Variants in RRAS2 observed in about 807,000 individuals in gnomAD.
The protein encoded by RRAS2 is RAS related 2, also known as ras-related protein R-Ras2.
In RRAS2, 7 loss-of-function variants were observed where a neutral mutation model predicts 27.6. The observed-to-expected ratio is 0.25, with a 90% confidence interval of 0.14 to 0.48. The LOEUF (loss-of-function observed/expected upper bound fraction) is 0.48. RRAS2 is among the 20% of genes least tolerant of loss of function. The pLI is 0.99. For synonymous variants in RRAS2, 86 were observed against 90.9 expected (o/e 0.95, Z 0.31); for missense variants, 178 against 256.2 (o/e 0.69, Z 2.08).
At chr11:14,281,745 T>C (rs781906396) in intron 4 of RRAS2, 25 bp from the exon 5 acceptor site, 5 of 1,544,334 alleles carry the variant, frequency 3.2e-6, no homozygotes, top group Non-Finnish European at 4.4e-6. Context: ...GTTATGTTTA[T>C]GGTACATTAT....
At chr11:14,320,418 C>T (rs561175851) in intron 1 of RRAS2, among the ~76,000 whole-genome samples, 19 of 152,258 alleles carry the variant, frequency 1.2e-4, no homozygotes, top group South Asian at 4.1e-4. Context: ...GACTCTGAGA[C>T]GGGAAAGTAA....
At chr11:14,328,220 G>A (rs1848406389) in intron 1 of RRAS2, among the ~76,000 whole-genome samples, 1 of 151,948 alleles carries the variant, frequency 6.6e-6, no homozygotes. Flanking sequence ...TACAAAATTA[G>A]CCAGGTGTGG....
At chr11:14,350,933 C>G (rs1554954682) in intron 1 of RRAS2, among the ~76,000 whole-genome samples, 1 of 152,154 alleles carries the variant, frequency 6.6e-6, no homozygotes, top group East Asian at 1.9e-4. Flanking sequence ...ATTGGATATT[C>G]CTACCACGTA....
chr11:14,352,327 C>T (rs1554954898), intron 1 of RRAS2, among the ~76,000 whole-genome samples: 1 of 152,130 alleles, frequency 6.6e-6, no homozygotes, highest in East Asian at 1.9e-4. Flanking sequence ...TTATAAAACA[C>T]TAAAAATAAA....
chr11:14,341,856 T>G (rs1554953323), intron 1 of RRAS2: 1 of 454,112 alleles, frequency 2.2e-6, no homozygotes, highest in Non-Finnish European at 4.4e-6. Context: ...TGAAGACTCT[T>G]GCATGCCTCC....
intron 4 of RRAS2, among the ~76,000 whole-genome samples, 155 bp from the exon 5 acceptor site, chr11:14,281,875 A>C (rs1402515984): frequency 2.0e-5 from 3 of 152,258 alleles, no homozygotes; most frequent in South Asian, 2.1e-4. Context: ...GATAAACTAA[A>C]GCCCACCTCT....
chr11:14,304,019 G>C (rs1183198570), intron 1 of RRAS2, among the ~76,000 whole-genome samples: 2 of 152,178 alleles, frequency 1.3e-5, no homozygotes, highest in Non-Finnish European at 2.9e-5. Flanking sequence ...GCCGAGCACA[G>C]TGTCCCTTTC....
chr11:14,356,177 C>G (rs1591493776), intron 1 of RRAS2, among the ~76,000 whole-genome samples: 4 of 152,252 alleles, frequency 2.6e-5, no homozygotes, highest in African/African-American at 9.6e-5. Context: ...AGACTGCATC[C>G]AGGTGGTCGG....
At chr11:14,279,523 G>T in intron 5 of RRAS2, 99 bp from the exon 6 acceptor site, 1 of 893,484 alleles carries the variant, frequency 1.1e-6, no homozygotes, top group Non-Finnish European at 1.8e-6. Context: ...AAGTGTGTAT[G>T]CTTTTCAGTG....
chr11:14,290,367 T>C (rs1849778168), intron 4 of RRAS2, among the ~76,000 whole-genome samples: 1 of 152,184 alleles, frequency 6.6e-6, no homozygotes. Flanking sequence ...GAGAATCGCT[T>C]GAACCCGGGA....
chr11:14,294,146 A>C (rs561031818), intron 4 of RRAS2, among the ~76,000 whole-genome samples: 1 of 152,336 alleles, frequency 6.6e-6, no homozygotes, highest in South Asian at 2.1e-4. Context: ...TTATCCAACT[A>C]AGTTAGAGTT....
upstream of RRAS2, among the ~76,000 whole-genome samples, chr11:14,363,695 G>A (rs1006881688): frequency 6.6e-6 from 1 of 151,426 alleles, no homozygotes; most frequent in Non-Finnish European, 1.5e-5. Flanking sequence ...CACTCGAACC[G>A]GGGAGGCGGA....
intron 1 of RRAS2, among the ~76,000 whole-genome samples, chr11:14,345,368 C>T (rs1287028352): frequency 2.0e-5 from 3 of 152,082 alleles, no homozygotes; most frequent in African/African-American, 4.8e-5. Context: ...TCCTAGTCTA[C>T]GATTCTGAAA....
chr11:14,282,194 TA>T (rs1161476930), intron 4 of RRAS2, among the ~76,000 whole-genome samples: 4 of 151,990 alleles, frequency 2.6e-5, no homozygotes, highest in African/African-American at 9.7e-5. Context: ...TTCCAAGAAC[TA>T]AAAGAAGCGT....
upstream of RRAS2, among the ~76,000 whole-genome samples, chr11:14,363,569 G>C (rs1401345015): frequency 1.3e-5 from 2 of 152,074 alleles, no homozygotes; most frequent in Non-Finnish European, 2.9e-5. Flanking sequence ...AGGAGTTCAA[G>C]ACCAGCCTGG....
intron 1 of RRAS2, among the ~76,000 whole-genome samples, chr11:14,302,101 CA>C (rs1554947500): frequency 6.6e-6 from 1 of 151,352 alleles, no homozygotes; most frequent in Non-Finnish European, 1.5e-5. Flanking sequence ...CACACACACA[CA>C]CACACACACC....
chr11:14,357,923 G>A (rs543981059), intron 1 of RRAS2, among the ~76,000 whole-genome samples: 2 of 152,218 alleles, frequency 1.3e-5, no homozygotes, highest in African/African-American at 4.8e-5. Flanking sequence ...TAAGAAGGAA[G>A]AATACCACCT....
intron 1 of RRAS2, among the ~76,000 whole-genome samples, chr11:14,330,356 T>A (rs967914667): frequency 6.6e-5 from 10 of 152,028 alleles, no homozygotes; most frequent in Admixed American, 1.3e-4. Context: ...TATAAAAAAT[T>A]TAAAAATTAG....
At chr11:14,318,137 C>T (rs1447915750) in intron 1 of RRAS2, among the ~76,000 whole-genome samples, 2 of 152,094 alleles carry the variant, frequency 1.3e-5, no homozygotes, top group Admixed American at 1.3e-4. Flanking sequence ...TATGTGTAAA[C>T]CCTAGAGAAA....
Sources: gnomAD v4.1 joint callset for allele counts (sites outside exome capture counted in the v4.1 genomes callset) on GRCh38, gnomAD v4.1.1 for gene constraint, MANE v1.5 for transcripts, NCBI Gene and HGNC (gene_info 2026-07-23, HGNC 2026-07-21) for gene names.